CXCL13: variants seen among roughly 807,000 people sequenced by gnomAD.
CXCL13 encodes C-X-C motif chemokine ligand 13.
CXCL13 carries 7 observed loss-of-function variants against 12.2 expected under a neutral mutation model. That is an observed-to-expected ratio of 0.57 (90% CI 0.33 to 1.07). The LOEUF is 1.07. CXCL13 is among the 50% of genes least tolerant of loss of function. CXCL13 has a pLI of 0.04. For missense variants in CXCL13, 113 were observed against 127.4 expected (o/e 0.89, Z 0.55); for synonymous variants, 47 against 42.4 (o/e 1.11, Z -0.42).
chr4:77,533,474 AG>A (rs1301052981), intron 1 of CXCL13, among the ~76,000 whole-genome samples: 4 of 152,154 alleles, frequency 2.6e-5, no homozygotes, highest in Non-Finnish European at 5.9e-5. Flanking sequence ...TAGGCTACTC[AG>A]GGGTCAGGGA....
chr4:77,571,900 AC>A (rs1726093207), intron 1 of CXCL13, among the ~76,000 whole-genome samples: 1 of 151,626 alleles, frequency 6.6e-6, no homozygotes, highest in Non-Finnish European at 1.5e-5. Flanking sequence ...CCACGAGCCC[AC>A]CAGGAGGAAT....
At chr4:77,549,652 G>T (rs910866512) in intron 1 of CXCL13, among the ~76,000 whole-genome samples, 1 of 152,122 alleles carries the variant, frequency 6.6e-6, no homozygotes, top group African/African-American at 2.4e-5. Context: ...GTTTGCCTGG[G>T]TATCACCAGC....
intron 1 of CXCL13, among the ~76,000 whole-genome samples, chr4:77,534,504 G>A (rs1330446756): frequency 6.6e-6 from 1 of 152,198 alleles, no homozygotes; most frequent in Non-Finnish European, 1.5e-5. Context: ...TACATATTGT[G>A]TGATTCCACT....
chr4:77,533,335 G>A (rs1724978612), intron 1 of CXCL13, among the ~76,000 whole-genome samples: 1 of 152,314 alleles, frequency 6.6e-6, no homozygotes, highest in Non-Finnish European at 1.5e-5. Context: ...AGCAGCAGAG[G>A]CTGCACAACA....
Position 77,611,170 on chromosome 4 carries a change from A to T in CXCL13, c.*131A>T, listed in dbSNP as rs1188314961. The stretch of plus-strand genomic sequence containing the variant: ...CAAATAAGCATGAGACTATGTAAAA[A>T]TAACCTTGCAGAAGCTGATGGGGCA... On this transcript the variant is annotated 3_prime_UTR_variant, in exon 4 of 4. Transcript: ENST00000682537. The T allele has an allele frequency of 1.3e-6, 1 of 762,556 alleles. No individual in the cohort carries two copies. Among genetic ancestry groups the T allele is most frequent in the Non-Finnish European group, 2.1e-6 (1 of 469,462 alleles). 47.2% of individuals were successfully genotyped at this position (762,556 alleles called of 1,614,324 possible).
At chr4:77,561,154 G>A (rs950346064) in intron 1 of CXCL13, among the ~76,000 whole-genome samples, 1 of 152,080 alleles carries the variant, frequency 6.6e-6, no homozygotes, top group Non-Finnish European at 1.5e-5. Flanking sequence ...ATTGTACCTA[G>A]TGACTAAAGT....
Position 77,552,472 on chromosome 4 carries a change from G to T in CXCL13, c.-43+40684G>T, listed in dbSNP as rs564427577. On this transcript the variant is annotated intron_variant, in intron 1 of 4. Coordinates refer to the CXCL13 transcript ENST00000286758. ...AGCCAGCTGTGGCCAGTACAGCTGG[G>T]TATATGTGTGATCCTTGTTTACTGA... Among the ~76,000 whole-genome samples the T allele has an allele frequency of 7.2e-5, 11 of 152,322 alleles. No homozygotes were observed. The East Asian group carries it at 1.7e-3, about 24-fold the overall frequency.
intron 2 of CXCL13, 109 bp downstream of exon 2, chr4:77,607,944 G>A: frequency 8.8e-7 from 1 of 1,141,952 alleles, no homozygotes; most frequent in Non-Finnish European, 1.2e-6. Context: ...TTACTTGAGT[G>A]TTGCTAAAAA....
At chr4:77,556,101 A>G (rs956136479) in intron 1 of CXCL13, among the ~76,000 whole-genome samples, 2 of 152,188 alleles carry the variant, frequency 1.3e-5, no homozygotes, top group African/African-American at 4.8e-5. Flanking sequence ...ATTCCTACAT[A>G]TATACCAATG....
At chr4:77,559,629 A>G (rs1310237741) in intron 1 of CXCL13, among the ~76,000 whole-genome samples, 1 of 150,906 alleles carries the variant, frequency 6.6e-6, no homozygotes, top group Non-Finnish European at 1.5e-5. Context: ...GTAAAGTAAA[A>G]CCTGACACTC....
chr4:77,592,130 GCACCCC>G (rs1176311820), intron 1 of CXCL13, among the ~76,000 whole-genome samples: 1 of 152,118 alleles, frequency 6.6e-6, no homozygotes, highest in Admixed American at 6.5e-5. Flanking sequence ...AGAGATATCT[GCACCCC>G]CATGTTTATT....
intron 1 of CXCL13, among the ~76,000 whole-genome samples, chr4:77,594,511 A>G (rs930498230): frequency 1.3e-5 from 2 of 151,962 alleles, no homozygotes; most frequent in African/African-American, 2.4e-5. Context: ...TTGGGCATCA[A>G]CATAGCTCAA....
intron 1 of CXCL13, among the ~76,000 whole-genome samples, chr4:77,531,697 C>G (rs1003177584): frequency 6.6e-6 from 1 of 152,104 alleles, no homozygotes; most frequent in Non-Finnish European, 1.5e-5. Context: ...CTTTCTAGGT[C>G]TCTAAGGACT....
At chr4:77,610,091 G>T (rs776659623) in intron 2 of CXCL13, among the ~76,000 whole-genome samples, 5 of 152,164 alleles carry the variant, frequency 3.3e-5, no homozygotes, top group African/African-American at 7.2e-5. Context: ...GAAAAATCTT[G>T]CTAAGTGGTA....
At chr4:77,595,712 G>T (rs914250625) in intron 1 of CXCL13, among the ~76,000 whole-genome samples, 1 of 152,152 alleles carries the variant, frequency 6.6e-6, no homozygotes, top group South Asian at 2.1e-4. Context: ...TACTGTTGGC[G>T]ATTTTTTGCT....
chr4:77,537,981 C>G (rs542383921), intron 1 of CXCL13, among the ~76,000 whole-genome samples: 1 of 152,208 alleles, frequency 6.6e-6, no homozygotes, highest in South Asian at 2.1e-4. Context: ...AATCTAAGCC[C>G]AAAGTTAGAG....
chr4:77,537,699 T>C (rs1025011669), intron 1 of CXCL13, among the ~76,000 whole-genome samples: 3 of 152,156 alleles, frequency 2.0e-5, no homozygotes, highest in South Asian at 2.1e-4. Context: ...CAGCATCCAT[T>C]TGAGGTTTTT....
intron 1 of CXCL13, among the ~76,000 whole-genome samples, chr4:77,596,011 GGAATTAACCACTCCCTCTGTT>G (rs1726741649): frequency 6.6e-6 from 1 of 152,056 alleles, no homozygotes; most frequent in African/African-American, 2.4e-5. Flanking sequence ...GTACAAATGG[GGAATTAACCACTCCCTCTGTT>G]GACCTAATCA....
At position 77,611,547 on chromosome 4, in the gene CXCL13, A is replaced by T. The variant is rs938371534; in HGVS notation, c.*508A>T. 2.5e-6 allele frequency: 1 copy of T among 396,710 alleles called. No individual in the cohort carries two copies. Among genetic ancestry groups the T allele is most frequent in the East Asian group, 3.6e-5 (1 of 27,976 alleles). 24.6% of individuals were successfully genotyped at this position (396,710 alleles called of 1,614,324 possible). A position where few individuals can be genotyped will look rare whatever the true frequency, so the allele number is the denominator to read the frequency against. ...TCCTCTGCTTAAAAACTCACTACGG[A>T]GGAGAATTAAGTCCTACTTTTAAAG... On this transcript the variant is annotated 3_prime_UTR_variant, in exon 4 of 4. Coordinates refer to ENST00000682537, the MANE Select transcript of CXCL13 (RefSeq NM_001371558.1).
Sources: gnomAD v4.1 joint callset for allele counts (sites outside exome capture counted in the v4.1 genomes callset) on GRCh38, gnomAD v4.1.1 for gene constraint, MANE v1.5 for transcripts, NCBI Gene and HGNC (gene_info 2026-07-23, HGNC 2026-07-21) for gene names.